Variants in PCDH17 observed in about 807,000 individuals in gnomAD.
PCDH17 encodes the protein protocadherin 17.
A neutral mutation model predicts 67.7 loss-of-function variants in PCDH17; 21 were observed. That is an observed-to-expected ratio of 0.31 (90% CI 0.22 to 0.45). The LOEUF (loss-of-function observed/expected upper bound fraction) is 0.45, where lower values mean the gene tolerates loss of function less well. PCDH17 is among the 20% of genes least tolerant of loss of function. The probability of loss-of-function intolerance (pLI) is 1.00; values close to 1 mark genes in which losing one functional copy is unlikely to be tolerated. For synonymous variants in PCDH17, 701 were observed against 656.7 expected, an observed-to-expected ratio of 1.07 and a Z score of -1.03; for missense variants, 1,471 against 1,564.8, an observed-to-expected ratio of 0.94 and a Z score of 1.01.
intron 1 of PCDH17, among the ~76,000 whole-genome samples, chr13:57,641,574 AAAAAAAAAAAAAAATATATAT>A (rs1442622444): frequency 6.6e-4 from 48 of 73,120 alleles, no homozygotes; most frequent in African/African-American, 2.3e-3. Context: ...AAAAAAAAAA[AAAAAAAAAAAAAAATATATAT>A]ATATATATAT....
chr13:57,648,939 A>C (rs2137996493), intron 1 of PCDH17, among the ~76,000 whole-genome samples: 1 of 152,194 alleles, frequency 6.6e-6, no homozygotes. Flanking sequence ...AGGATGATGT[A>C]TGATAAAACT....
At chr13:57,657,661 C>T (rs1301454560) in intron 1 of PCDH17, among the ~76,000 whole-genome samples, 1 of 152,172 alleles carries the variant, frequency 6.6e-6, no homozygotes, top group Admixed American at 6.5e-5. Flanking sequence ...ATGTGAAAAG[C>T]AGTGGCTTTG....
intron 1 of PCDH17, among the ~76,000 whole-genome samples, chr13:57,665,271 A>G (rs1426960047): frequency 2.6e-5 from 4 of 152,164 alleles, no homozygotes; most frequent in South Asian, 2.1e-4. Flanking sequence ...TAATGTATCA[A>G]TACTTTATAT....
intron 3 of PCDH17, among the ~76,000 whole-genome samples, chr13:57,667,523 C>G (rs1294316355): frequency 6.6e-6 from 1 of 151,878 alleles, no homozygotes; most frequent in Non-Finnish European, 1.5e-5. Flanking sequence ...AATTAAATTA[C>G]TCTTATGTAT....
chr13:57,715,319 G>A (rs532469810), intron 3 of PCDH17, among the ~76,000 whole-genome samples: 2 of 151,742 alleles, frequency 1.3e-5, no homozygotes, highest in East Asian at 3.9e-4. Context: ...CCCATTATAG[G>A]TTACCCGTAG....
rs776013652 is a variant in PCDH17 at position 57,725,767 on chromosome 13, T to G, written c.*473T>G. On this transcript the variant is annotated 3_prime_UTR_variant, in exon 4 of 4. Transcript: ENST00000377918. ...TGGATTTCTAGCAGTCATCACAGGC[T>G]TCTACTGAAAGTCCTGAAAAGACCT... 2 of 155,042 alleles carry G rather than the reference T, an allele frequency of 1.3e-5. No individual in the cohort carries two copies. The highest frequency in any genetic ancestry group is 2.9e-5 in the Non-Finnish European group (2 of 69,652). 9.6% of individuals were successfully genotyped at this position (155,042 alleles called of 1,614,324 possible). A position where few individuals can be genotyped will look rare whatever the true frequency, so the allele number is the denominator to read the frequency against.
intron 3 of PCDH17, among the ~76,000 whole-genome samples, chr13:57,715,725 A>AT (rs1955811360): frequency 6.6e-6 from 1 of 151,558 alleles, no homozygotes; most frequent in Admixed American, 6.6e-5. Flanking sequence ...TTGTTGATAT[A>AT]TTTTTTACCT....
At chr13:57,698,197 T>A (rs1046143347) in intron 3 of PCDH17, among the ~76,000 whole-genome samples, 1 of 151,452 alleles carries the variant, frequency 6.6e-6, no homozygotes, top group African/African-American at 2.4e-5. Context: ...TACATAAATA[T>A]GAAGATAATA....
chr13:57,718,387 A>G (rs1200228621), intron 3 of PCDH17, among the ~76,000 whole-genome samples: 1 of 152,080 alleles, frequency 6.6e-6, no homozygotes, highest in Non-Finnish European at 1.5e-5. Flanking sequence ...TAGAAATAAT[A>G]TTGAAAGCAA....
At chr13:57,704,098 T>A (rs1234357133) in intron 3 of PCDH17, among the ~76,000 whole-genome samples, 1 of 152,104 alleles carries the variant, frequency 6.6e-6, no homozygotes, top group Non-Finnish European at 1.5e-5. Flanking sequence ...TACTCTTAGA[T>A]ACCTGTTCTC....
chr13:57,700,966 C>T (rs1326584149), intron 3 of PCDH17, among the ~76,000 whole-genome samples: 1 of 152,028 alleles, frequency 6.6e-6, no homozygotes. Flanking sequence ...AATTCGAGAC[C>T]AGCCTGGGCA....
chr13:57,678,760 C>T (rs1955419467), intron 3 of PCDH17, among the ~76,000 whole-genome samples: 1 of 151,460 alleles, frequency 6.6e-6, no homozygotes, highest in African/African-American at 2.4e-5. Flanking sequence ...TGGTAAAAAA[C>T]AAGAAATAGG....
At chr13:57,699,508 A>G (rs953075388) in intron 3 of PCDH17, among the ~76,000 whole-genome samples, 1 of 151,874 alleles carries the variant, frequency 6.6e-6, no homozygotes, top group Non-Finnish European at 1.5e-5. Flanking sequence ...TTGCATTTTC[A>G]TTCTGGATCC....
chr13:57,645,813 T>C (rs1345609216), intron 1 of PCDH17, among the ~76,000 whole-genome samples: 2 of 151,350 alleles, frequency 1.3e-5, no homozygotes, highest in African/African-American at 4.8e-5. Context: ...TTATATGGTA[T>C]TAGAGTGATG....
intron 3 of PCDH17, among the ~76,000 whole-genome samples, chr13:57,686,565 T>C (rs1435019568): frequency 6.6e-6 from 1 of 151,860 alleles, no homozygotes; most frequent in African/African-American, 2.4e-5. Context: ...TCAGTTTGAG[T>C]GGAAATATGA....
intron 3 of PCDH17, among the ~76,000 whole-genome samples, chr13:57,672,438 A>G (rs984483380): frequency 6.6e-6 from 1 of 152,028 alleles, no homozygotes; most frequent in African/African-American, 2.4e-5. Context: ...AATTCCCCAT[A>G]TAATGACTGA....
intron 1 of PCDH17, among the ~76,000 whole-genome samples, chr13:57,652,134 C>T (rs1391257358): frequency 6.6e-6 from 1 of 151,400 alleles, no homozygotes; most frequent in Non-Finnish European, 1.5e-5. Context: ...AAAAATTAGC[C>T]GGGCGCGGTG....
intron 3 of PCDH17, among the ~76,000 whole-genome samples, chr13:57,706,098 T>G (rs1297248273): frequency 2.6e-5 from 4 of 151,030 alleles, no homozygotes; most frequent in African/African-American, 4.9e-5. Flanking sequence ...ATCCAGGAAA[T>G]GTAAATATTA....
chr13:57,651,150 T>C (rs1955032181), intron 1 of PCDH17, among the ~76,000 whole-genome samples: 1 of 152,152 alleles, frequency 6.6e-6, no homozygotes. Flanking sequence ...AACTATATAT[T>C]TTATAAAGAG....
Sources: allele counts gnomAD v4.1 joint callset (sites outside exome capture counted in the v4.1 genomes callset), GRCh38; gene constraint gnomAD v4.1.1; transcripts MANE v1.5; gene names NCBI Gene and HGNC (gene_info 2026-07-23, HGNC 2026-07-21).